The following PCDH7 variants were observed in gnomAD, a reference collection of about 807,000 sequenced individuals.
PCDH7 encodes protocadherin-7.
Under a neutral mutation model 58.9 loss-of-function variants are expected in PCDH7, and 17 were observed. That is an observed-to-expected ratio of 0.29 (90% CI 0.20 to 0.43). The LOEUF is 0.43. Among genes scored for constraint, PCDH7 ranks in the 20% least tolerant of loss-of-function variants. PCDH7 has a pLI of 1.00. For missense variants in PCDH7, 1,274 were observed against 1,441.0 expected, an observed-to-expected ratio of 0.88 and a Z score of 1.88; for synonymous variants, 664 against 616.4, an observed-to-expected ratio of 1.08 and a Z score of -1.14.
rs561185029 is a variant in PCDH7, at chr4:30,945,657, T to C, written c.288-4463T>C. ...CTCATTTATGTCCTGACTGATAAGCTCACCCAGGGTTTACATGATTATGCA... is the reference window on the plus strand; with the variant it reads ...CTCATTTATGTCCTGACTGATAAGCCCACCCAGGGTTTACATGATTATGCA... On this transcript the variant is annotated intron_variant, in intron 2 of 3. Coordinates refer to the PCDH7 transcript ENST00000509759. 7.9e-5 allele frequency among the ~76,000 whole-genome samples: 12 copies of C among 152,268 alleles called. No individual in the cohort carries two copies. The South Asian group carries it at 1.0e-3, about 13-fold the overall frequency.
Position 30,968,702 on chromosome 4 carries a change from A to G in PCDH7, c.*7+18487A>G, listed in dbSNP as rs994002791. Among the ~76,000 whole-genome samples, 9 of 152,210 alleles carry G rather than the reference A, an allele frequency of 5.9e-5. No individual in the cohort carries two copies. The East Asian group carries it at 1.4e-3, about 23-fold the overall frequency. Reference sequence around the variant, plus strand: ...AATAAAGAACTGCCTAACAATTTGTAGTTTTCATGTCTCTGTGTGAACAAG... The same window carrying G: ...AATAAAGAACTGCCTAACAATTTGTGGTTTTCATGTCTCTGTGTGAACAAG... On this transcript the variant is annotated intron_variant, in intron 3 of 3. Coordinates refer to the PCDH7 transcript ENST00000509759.
intron 1 of PCDH7, among the ~76,000 whole-genome samples, chr4:30,916,275 A>G (rs1454038070): frequency 6.6e-6 from 1 of 152,188 alleles, no homozygotes; most frequent in Non-Finnish European, 1.5e-5. Context: ...ATCTTCTAGC[A>G]TAATCTTCTG....
At chr4:30,954,844 A>G (rs2109451923) in intron 3 of PCDH7, among the ~76,000 whole-genome samples, 1 of 152,072 alleles carries the variant, frequency 6.6e-6, no homozygotes, top group East Asian at 1.9e-4. Flanking sequence ...ACTATATTTA[A>G]CCTCCCTGGA....
At chr4:31,035,035 A>G (rs1045515370) in intron 3 of PCDH7, among the ~76,000 whole-genome samples, 1 of 152,154 alleles carries the variant, frequency 6.6e-6, no homozygotes, top group Non-Finnish European at 1.5e-5. Flanking sequence ...CAGCTTTTCT[A>G]ATATTTCAAA....
At chr4:30,776,680 G>T (rs866524096) in intron 1 of PCDH7, among the ~76,000 whole-genome samples, 6 of 152,130 alleles carry the variant, frequency 3.9e-5, no homozygotes, top group Non-Finnish European at 8.8e-5. Flanking sequence ...ACGAGTTGGG[G>T]AGACTATCAT....
At chr4:31,117,857 G>A (rs1717190339) in intron 3 of PCDH7, among the ~76,000 whole-genome samples, 1 of 152,140 alleles carries the variant, frequency 6.6e-6, no homozygotes, top group Non-Finnish European at 1.5e-5. Context: ...CTGTCATGAA[G>A]GTAGGTCAGA....
At chr4:30,851,270 G>T (rs1444911269) in intron 1 of PCDH7, among the ~76,000 whole-genome samples, 1 of 151,754 alleles carries the variant, frequency 6.6e-6, no homozygotes, top group Non-Finnish European at 1.5e-5. Context: ...ATACATTTGG[G>T]CCTGGAAATT....
At chr4:30,766,020 C>T (rs935421956) in intron 1 of PCDH7, among the ~76,000 whole-genome samples, 2 of 151,788 alleles carry the variant, frequency 1.3e-5, no homozygotes, top group African/African-American at 4.8e-5. Flanking sequence ...AAATGTGACG[C>T]CTGGTAAGAG....
At chr4:31,078,885 C>A (rs1759236312) in intron 3 of PCDH7, among the ~76,000 whole-genome samples, 1 of 151,790 alleles carries the variant, frequency 6.6e-6, no homozygotes, top group East Asian at 1.9e-4. Context: ...CAAACAAATG[C>A]AACAGAATAA....
intron 1 of PCDH7, among the ~76,000 whole-genome samples, chr4:30,756,015 G>T (rs1719244692): frequency 6.6e-6 from 1 of 152,090 alleles, no homozygotes; most frequent in Non-Finnish European, 1.5e-5. Context: ...GGAGGTGGAG[G>T]TTGCAGTGAG....
intron 3 of PCDH7, among the ~76,000 whole-genome samples, chr4:30,992,937 T>A (rs1282117142): frequency 6.6e-6 from 1 of 151,938 alleles, no homozygotes; most frequent in Admixed American, 6.6e-5. Flanking sequence ...TAGCTGGGAT[T>A]ACAGGTGCCC....
chr4:31,111,229 G>T (rs1165434763), intron 3 of PCDH7, among the ~76,000 whole-genome samples: 1 of 111,898 alleles, frequency 8.9e-6, no homozygotes, highest in Non-Finnish European at 1.7e-5. Flanking sequence ...GTAATTGGCA[G>T]TTAAAAATAA....
chr4:31,030,557 CA>C (rs1449028030), intron 3 of PCDH7, among the ~76,000 whole-genome samples: 1 of 151,722 alleles, frequency 6.6e-6, no homozygotes, highest in Admixed American at 6.6e-5. Flanking sequence ...AGCATAATTT[CA>C]TCTTATTTTA....
intron 2 of PCDH7, among the ~76,000 whole-genome samples, chr4:30,937,747 C>T (rs959084574): frequency 6.6e-6 from 1 of 151,988 alleles, no homozygotes; most frequent in Admixed American, 6.6e-5. Context: ...TCAGCTGGAG[C>T]TAGCATTTAA....
rs73214954 is a variant in PCDH7 at position 30,957,121 on chromosome 4, C to T, written c.*7+6906C>T. ...CACCACCATCTCATGGCTCTGGTCA[C>T]GAGAGTTTAACACCACTAGAGTTTA... On this transcript the variant is annotated intron_variant, in intron 3 of 3. Coordinates refer to the PCDH7 transcript ENST00000509759. Among the ~76,000 whole-genome samples, 822 of 152,212 alleles carry T rather than the reference C, an allele frequency of 5.4e-3. 7 individuals carry two copies. The highest frequency in any genetic ancestry group is 8.6e-3 in the Non-Finnish European group (587 of 68,008).
intron 1 of PCDH7, among the ~76,000 whole-genome samples, chr4:30,832,527 C>T (rs1729933236): frequency 6.6e-6 from 1 of 152,072 alleles, no homozygotes; most frequent in African/African-American, 2.4e-5. Context: ...TAAGCATGAA[C>T]CAGAGCTTAA....
intron 3 of PCDH7, among the ~76,000 whole-genome samples, chr4:30,959,639 G>T (rs1452956991): frequency 6.6e-6 from 1 of 152,080 alleles, no homozygotes; most frequent in Non-Finnish European, 1.5e-5. Context: ...AAGCCTGATG[G>T]CATTAAATCA....
In PCDH7 at chr4:30,938,790, T is replaced by C. The variant is rs1745673318; in HGVS notation, c.288-11330T>C. Among the ~76,000 whole-genome samples the C allele has an allele frequency of 1.3e-5, 2 of 152,124 alleles. 1 individual carries two copies. The highest frequency in any genetic ancestry group is 1.3e-4 in the Admixed American group (2 of 15,254). ...ATGTGCCTTAAAATTTGGGTTATTT[T>C]CTTTTATTACTCAACATGCCAACCT... On this transcript the variant is annotated intron_variant, in intron 2 of 3. Coordinates refer to the PCDH7 transcript ENST00000509759.
chr4:31,045,689 A>G (rs1756228217), intron 3 of PCDH7, among the ~76,000 whole-genome samples: 1 of 151,990 alleles, frequency 6.6e-6, no homozygotes, highest in Non-Finnish European at 1.5e-5. Flanking sequence ...ATTGCAACCT[A>G]TCTCTCCTGT....
Sources: allele counts gnomAD v4.1 joint callset (sites outside exome capture counted in the v4.1 genomes callset), GRCh38; gene constraint gnomAD v4.1.1; transcripts MANE v1.5; gene names NCBI Gene and HGNC (gene_info 2026-07-23, HGNC 2026-07-21).